TRIM37: variants seen among roughly 807,000 people sequenced by gnomAD.
TRIM37 encodes tripartite motif containing 37.
In TRIM37, 80 loss-of-function variants were observed where a neutral mutation model predicts 129.8. That is an observed-to-expected ratio of 0.62 (90% CI 0.51 to 0.74). The LOEUF (loss-of-function observed/expected upper bound fraction) is 0.74. TRIM37 is among the 30% of genes least tolerant of loss of function. TRIM37 has a pLI of 0.00. For synonymous variants in TRIM37, 389 were observed against 387.1 expected (o/e 1.00, Z -0.06); for missense variants, 1,054 against 1,176.5 (o/e 0.90, Z 1.52).
intron 12 of TRIM37, 42 bp downstream of exon 12, chr17:59,060,990 T>C: frequency 3.4e-6 from 5 of 1,482,888 alleles, no homozygotes; most frequent in Non-Finnish European, 4.7e-6. Flanking sequence ...GGGGAAGGTA[T>C]GTAAATGCAC....
chr17:59,008,441 A>G (rs1004590690), intron 22 of TRIM37, among the ~76,000 whole-genome samples: 1 of 152,256 alleles, frequency 6.6e-6, no homozygotes, highest in African/African-American at 2.4e-5. Context: ...CACTATGGCC[A>G]AGCAAATGCC....
the TRIM37 span, chr17:58,972,310 TA>T: frequency 5.7e-6 from 9 of 1,573,240 alleles, no homozygotes; most frequent in South Asian, 9.3e-5. Flanking sequence ...GCCCATGCTC[TA>T]GTTATTAGTT....
At chr17:59,087,105 G>GT (rs1029407698) in intron 4 of TRIM37, among the ~76,000 whole-genome samples, 3 of 152,028 alleles carry the variant, frequency 2.0e-5, no homozygotes, top group Admixed American at 6.5e-5. Flanking sequence ...TTTTGTTTTT[G>GT]TTTTTTTGGG....
At chr17:59,045,601 T>C (rs1454833726) in intron 16 of TRIM37, among the ~76,000 whole-genome samples, 1 of 146,132 alleles carries the variant, frequency 6.8e-6, no homozygotes, top group Admixed American at 6.9e-5. Context: ...ATCATGCCAC[T>C]GCACTTAAGC....
chr17:59,011,788 G>A (rs1351993436), intron 22 of TRIM37, among the ~76,000 whole-genome samples: 1 of 152,184 alleles, frequency 6.6e-6, no homozygotes, highest in East Asian at 1.9e-4. Flanking sequence ...AACTTGGAAT[G>A]CTTCTTTAAG....
chr17:59,106,780 A>G lies in TRIM37; in HGVS notation c.-319T>C, dbSNP rs2046043369. ...GCCCACGTGACGCGGGCGCGCGCCT[A>G]TGGAACTGACGGTGGAGTTCAGCGA... On this transcript the variant is annotated 5_prime_UTR_variant, in exon 1 of 24. Transcript: ENST00000262294. 1 of 545,732 alleles carries G rather than the reference A, an allele frequency of 1.8e-6. No homozygotes were observed. Among genetic ancestry groups the G allele is most frequent in the African/African-American group, 2.0e-5 (1 of 51,190 alleles). The allele number at this position is 545,732 out of a possible 1,614,324, so 33.8% of individuals were successfully genotyped here.
At chr17:59,028,165 T>C (rs1269830007) in intron 19 of TRIM37, among the ~76,000 whole-genome samples, 1 of 152,222 alleles carries the variant, frequency 6.6e-6, no homozygotes, top group Non-Finnish European at 1.5e-5. Flanking sequence ...ACTACTAGAA[T>C]ACAAGATCTA....
chr17:58,969,369 T>C, the TRIM37 span: 2 of 728,548 alleles, frequency 2.7e-6, no homozygotes, highest in Admixed American at 2.0e-5. Context: ...ATATTGCAGG[T>C]ATTTCAGCAG....
chr17:59,078,408 C>T (rs2146983937), intron 7 of TRIM37, among the ~76,000 whole-genome samples: 1 of 152,166 alleles, frequency 6.6e-6, no homozygotes, highest in South Asian at 2.1e-4. Flanking sequence ...AATTAATAAA[C>T]TTAAGAGATC....
In TRIM37 at chr17:59,017,649, A is replaced by G. The variant is rs373079036; in HGVS notation, c.2258-225T>C. ...TCTTTTTTTTTTTTCCCCCAGATGG[A>G]GTCTTGCTCTTGTTGCCCAGGCTGG... On this transcript the variant is annotated intron_variant, in intron 19 of 23. Coordinates refer to ENST00000262294, the MANE Select transcript of TRIM37 (RefSeq NM_015294.6). Among the ~76,000 whole-genome samples the G allele has an allele frequency of 2.0e-5, 3 of 150,798 alleles. No homozygotes were observed. In the South Asian group the frequency reaches 6.3e-4, roughly 32 times the overall value.
At chr17:58,968,011 C>T in the TRIM37 span, among the ~76,000 whole-genome samples, 1 of 152,004 alleles carries the variant, frequency 6.6e-6, no homozygotes, top group East Asian at 1.9e-4. Flanking sequence ...ACCATGTTGG[C>T]CAGGATGGTC....
At chr17:59,104,626 AAC>A (rs1325960855) in intron 1 of TRIM37, 10 of 654,922 alleles carry the variant, frequency 1.5e-5, no homozygotes, top group Non-Finnish European at 2.8e-5. Flanking sequence ...AGGAAATGCA[AAC>A]ACAGACATGC....
chr17:59,017,476 C>T (rs1219691591), intron 19 of TRIM37, 52 bp from the exon 20 acceptor site: 2 of 1,612,744 alleles, frequency 1.2e-6, no homozygotes, highest in East Asian at 2.2e-5. Context: ...GCACAAAACT[C>T]ACTATTTAGT....
chr17:59,034,824 T>A (rs974114622), intron 17 of TRIM37, among the ~76,000 whole-genome samples: 2 of 152,040 alleles, frequency 1.3e-5, no homozygotes, highest in Non-Finnish European at 2.9e-5. Context: ...GATGAAGAAA[T>A]ATATTATCAG....
chr17:59,001,056 G>A (rs189587929), intron 23 of TRIM37, among the ~76,000 whole-genome samples: 11 of 151,962 alleles, frequency 7.2e-5, no homozygotes, highest in South Asian at 4.2e-4. Flanking sequence ...TTAGCCAGGC[G>A]TGGTGGTGTA....
At chr17:58,969,776 C>A in the TRIM37 span, 1 of 1,570,794 alleles carries the variant, frequency 6.4e-7, no homozygotes, top group South Asian at 1.1e-5. Context: ...TAGCTGAGCT[C>A]AATTTGGTCT....
At chr17:59,063,428 T>C (rs1039814962) in intron 10 of TRIM37, among the ~76,000 whole-genome samples, 1 of 152,192 alleles carries the variant, frequency 6.6e-6, no homozygotes, top group Non-Finnish European at 1.5e-5. Flanking sequence ...TCCACCCGCC[T>C]TGGCCTCCCA....
chr17:59,042,443 A>ATATATATATATATATATATATATATATAT (rs1281091065), intron 16 of TRIM37, among the ~76,000 whole-genome samples: 1 of 50,196 alleles, frequency 2.0e-5, no homozygotes. Context: ...AAAAAAAAAA[A>ATATATATATATATATATATATATATATAT]AAAAAAATAT....
At position 59,076,144 on chromosome 17, in the gene TRIM37, T is replaced by C. The variant is rs371974679; in HGVS notation, c.617-430A>G. ...AAGTGGGCCAGATTTTTAGGTTAAA[T>C]GTCAGCAAAAGGTCTGTCCTGTGAA... is the stretch of plus-strand genomic sequence containing the variant. On this transcript the variant is annotated intron_variant, in intron 7 of 23. Transcript: ENST00000262294. Among the ~76,000 whole-genome samples the C allele has an allele frequency of 5.9e-5, 9 of 152,126 alleles. No individual in the cohort carries two copies. The East Asian group carries it at 1.5e-3, about 26-fold the overall frequency.
Sources: gnomAD v4.1 joint callset for allele counts (sites outside exome capture counted in the v4.1 genomes callset) on GRCh38, gnomAD v4.1.1 for gene constraint, MANE v1.5 for transcripts, NCBI Gene and HGNC (gene_info 2026-07-23, HGNC 2026-07-21) for gene names.